The following TMCO4 variants were observed in gnomAD, a reference collection of about 807,000 sequenced individuals.
TMCO4 encodes transmembrane and coiled-coil domains 4, also known as transmembrane and coiled-coil domain-containing protein 4.
TMCO4 carries 58 observed loss-of-function variants against 64.7 expected under a neutral mutation model. The ratio of observed to expected loss-of-function variants is 0.90; its 90% CI spans 0.73 to 1.12. The LOEUF (loss-of-function observed/expected upper bound fraction) is 1.12, where lower values mean the gene tolerates loss of function less well. TMCO4 is among the 50% of genes most tolerant of loss of function. The pLI, the probability that TMCO4 is intolerant of heterozygous loss-of-function variation, is 0.00. For missense variants in TMCO4, 780 were observed against 825.9 expected, an observed-to-expected ratio of 0.94 and a Z score of 0.68; for synonymous variants, 325 against 346.1, an observed-to-expected ratio of 0.94 and a Z score of 0.68.
chr1:19,743,009 C>A lies in TMCO4; in HGVS notation c.878-2068G>T, dbSNP rs1166447718. ...AGGTTGCAGTGAGCCAAGATCGCGC[C>A]ACTGCACTCCAGCCTGGTGATACAG... On this transcript the variant is annotated intron_variant, in intron 10 of 15. Coordinates refer to ENST00000294543, the MANE Select transcript of TMCO4 (RefSeq NM_181719.7). The surrounding 1 kb of genome is among the most constrained non-coding windows in gnomAD (Gnocchi z 4.1). Among the ~76,000 whole-genome samples the A allele has an allele frequency of 6.6e-6, 1 of 151,882 alleles. No individual in the cohort carries two copies. The highest frequency in any genetic ancestry group is 6.6e-5 in the Admixed American group (1 of 15,262).
intron 6 of TMCO4, among the ~76,000 whole-genome samples, chr1:19,769,302 C>T (rs1053511647): frequency 2.0e-5 from 3 of 152,132 alleles, no homozygotes; most frequent in African/African-American, 4.8e-5. Flanking sequence ...AGAATGGTAC[C>T]GGGGGCAGCC....
chr1:19,744,442 A>G (rs895228276), intron 10 of TMCO4, among the ~76,000 whole-genome samples: 2 of 152,206 alleles, frequency 1.3e-5, no homozygotes, highest in Non-Finnish European at 2.9e-5. Context: ...TTTACAAATG[A>G]AGTAGCTGAG....
At chr1:19,784,167 G>A (rs2043617527) in intron 3 of TMCO4, among the ~76,000 whole-genome samples, 1 of 152,152 alleles carries the variant, frequency 6.6e-6, no homozygotes, top group Admixed American at 6.5e-5. Flanking sequence ...ATAATAAACA[G>A]CTTTCTGATC....
rs562782041 is a variant in TMCO4 at position 19,750,755 on chromosome 1, A to G, written c.516-3495T>C. 2.1e-4 allele frequency among the ~76,000 whole-genome samples: 32 copies of G among 152,314 alleles called. 1 individual carries two copies. The South Asian group carries it at 5.8e-3, about 28-fold the overall frequency. On this transcript the variant is annotated intron_variant, in intron 7 of 15. Coordinates refer to ENST00000294543, the MANE Select transcript of TMCO4 (RefSeq NM_181719.7). Reference sequence around the variant, plus strand: ...GTCACCTTCTGGCCCCTGGCCATCAAGGACCTTCCCACCTTCCTGTGACTA... The same window carrying G: ...GTCACCTTCTGGCCCCTGGCCATCAGGGACCTTCCCACCTTCCTGTGACTA...
At chr1:19,754,785 G>A (rs905293129) in intron 7 of TMCO4, among the ~76,000 whole-genome samples, 1 of 152,180 alleles carries the variant, frequency 6.6e-6, no homozygotes, top group Non-Finnish European at 1.5e-5. Flanking sequence ...ATGGGTCCGG[G>A]ACACGTCGGG....
intron 3 of TMCO4, among the ~76,000 whole-genome samples, chr1:19,784,162 A>G (rs2043617170): frequency 6.6e-6 from 1 of 152,152 alleles, no homozygotes; most frequent in Non-Finnish European, 1.5e-5. Context: ...GCTCAATAAT[A>G]AACAGCTTTC....
chr1:19,688,550 G>A (rs1162251421), intron 15 of TMCO4, among the ~76,000 whole-genome samples: 1 of 152,152 alleles, frequency 6.6e-6, no homozygotes, highest in Non-Finnish European at 1.5e-5. Context: ...CTGGCTGTGT[G>A]GCTTTGATAA....
intron 15 of TMCO4, among the ~76,000 whole-genome samples, chr1:19,688,311 G>A (rs1570616755): frequency 6.6e-6 from 1 of 152,122 alleles, no homozygotes; most frequent in African/African-American, 2.4e-5. Flanking sequence ...CACATCGTGG[G>A]GTTTCCGTGG....
chr1:19,741,853 C>T (rs1001638931), intron 10 of TMCO4, among the ~76,000 whole-genome samples: 1 of 151,654 alleles, frequency 6.6e-6, no homozygotes, highest in Non-Finnish European at 1.5e-5. Flanking sequence ...TCTCCTGCCT[C>T]AGCCTCCTGA....
chr1:19,782,260 A>T (rs2043526875), intron 3 of TMCO4, among the ~76,000 whole-genome samples: 2 of 152,196 alleles, frequency 1.3e-5, no homozygotes, highest in Admixed American at 6.5e-5. Context: ...AATGAATCTC[A>T]GACAAAATGA....
chr1:19,726,747 T>G (rs1483871264), intron 13 of TMCO4, among the ~76,000 whole-genome samples: 1 of 152,104 alleles, frequency 6.6e-6, no homozygotes, highest in Non-Finnish European at 1.5e-5. Flanking sequence ...CCAATAATTG[T>G]GAGCTGGCCA....
intron 14 of TMCO4, among the ~76,000 whole-genome samples, chr1:19,700,253 C>G (rs1215005356): frequency 6.6e-6 from 1 of 152,084 alleles, no homozygotes; most frequent in Non-Finnish European, 1.5e-5. Flanking sequence ...GGTCTGTCAC[C>G]CTGTTTGGGT....
intron 13 of TMCO4, among the ~76,000 whole-genome samples, chr1:19,713,356 C>G (rs1168116363): frequency 1.3e-5 from 2 of 152,074 alleles, no homozygotes; most frequent in Non-Finnish European, 2.9e-5. Flanking sequence ...CATTAAGACA[C>G]TAGTTCAGGA....
intron 14 of TMCO4, among the ~76,000 whole-genome samples, chr1:19,698,319 C>T (rs950313660): frequency 1.3e-5 from 2 of 152,224 alleles, no homozygotes; most frequent in African/African-American, 4.8e-5. Context: ...CAGAATGTGG[C>T]CCTCTCACGG....
intron 7 of TMCO4, among the ~76,000 whole-genome samples, chr1:19,748,988 T>C (rs1570886580): frequency 6.6e-6 from 1 of 152,344 alleles, no homozygotes; most frequent in East Asian, 1.9e-4. Context: ...AAGCCCAGTG[T>C]TTCTCAGTCA....
chr1:19,748,508 G>A (rs191021594), intron 7 of TMCO4, among the ~76,000 whole-genome samples: 1 of 152,162 alleles, frequency 6.6e-6, no homozygotes, highest in Admixed American at 6.5e-5. Flanking sequence ...TTGAGAAATA[G>A]CTTCTTCTCC....
intron 2 of TMCO4, among the ~76,000 whole-genome samples, chr1:19,788,652 G>A (rs1349019700): frequency 6.6e-6 from 1 of 152,170 alleles, no homozygotes; most frequent in African/African-American, 2.4e-5. Flanking sequence ...CTGGCAGCCC[G>A]AGATTGGCAT....
intron 11 of TMCO4, 114 bp downstream of exon 11, chr1:19,740,663 G>A: frequency 8.2e-7 from 1 of 1,218,510 alleles, no homozygotes; most frequent in Non-Finnish European, 1.1e-6. Flanking sequence ...TGTGTTCCTA[G>A]GGTCCAGCAC....
At position 19,740,067 on chromosome 1, in the gene TMCO4, G is replaced by A. The variant is rs1471271459; in HGVS notation, c.1043-107C>T. 4 of 1,344,420 alleles carry A rather than the reference G, an allele frequency of 3.0e-6. No individual in the cohort carries two copies. In the African/African-American group the frequency reaches 6.0e-5, roughly 20 times the overall value. 83.3% of individuals were successfully genotyped at this position (1,344,420 alleles called of 1,614,324 possible). A position where few individuals can be genotyped will look rare whatever the true frequency, so the allele number is the denominator to read the frequency against. Reference sequence around the variant, plus strand: ...AATAAATGCATGCAGTCTCCAACTTGGACCTGCAAGTTTGCCAATCAAACT... The same window carrying A: ...AATAAATGCATGCAGTCTCCAACTTAGACCTGCAAGTTTGCCAATCAAACT... On this transcript the variant is annotated intron_variant, in intron 11 of 15. Coordinates refer to ENST00000294543, the MANE Select transcript of TMCO4 (RefSeq NM_181719.7).
Sources: allele counts gnomAD v4.1 joint callset (sites outside exome capture counted in the v4.1 genomes callset), GRCh38; gene constraint gnomAD v4.1.1; non-coding constraint Gnocchi (gnomAD v3.1); transcripts MANE v1.5; gene names NCBI Gene and HGNC (gene_info 2026-07-23, HGNC 2026-07-21).